The following TMEM150B variants were observed in gnomAD, a reference collection of about 807,000 sequenced individuals.
TMEM150B encodes the protein modulator of macroautophagy TMEM150B.
Under a neutral mutation model 25.2 loss-of-function variants are expected in TMEM150B, and 33 were observed. The ratio of observed to expected loss-of-function variants is 1.31; its 90% CI spans 0.99 to 1.75. TMEM150B has a LOEUF of 1.75. Among genes scored for constraint, TMEM150B ranks in the 40% most tolerant of loss-of-function variants. The pLI is 0.00. For synonymous variants in TMEM150B, 133 were observed against 134.8 expected (o/e 0.99, Z 0.09); for missense variants, 322 against 306.1 (o/e 1.05, Z -0.39).
chr19:55,310,191 C>G (rs2088752210), downstream of TMEM150B, among the ~76,000 whole-genome samples: 1 of 152,188 alleles, frequency 6.6e-6, no homozygotes. The surrounding 1 kb of genome is among the most constrained non-coding windows in gnomAD (Gnocchi z 5.0). Context: ...TCGTACAGTC[C>G]TGGAGGTCAG....
At chr19:55,317,767 G>A (rs1434383808) in intron 6 of TMEM150B, among the ~76,000 whole-genome samples, 1 of 147,644 alleles carries the variant, frequency 6.8e-6, no homozygotes, top group Non-Finnish European at 1.5e-5. Flanking sequence ...GGCAACAAGA[G>A]TGAGACTCCA....
chr19:55,311,787 AT>A, downstream of TMEM150B: 1 of 994,838 alleles, frequency 1.0e-6, no homozygotes, highest in African/African-American at 1.7e-5. Flanking sequence ...CTTATCAGGG[AT>A]TGGAGCTAGA....
chr19:55,310,235 GCCTGGAGGGCTGCA>G (rs1262594184), downstream of TMEM150B, among the ~76,000 whole-genome samples: 1 of 152,200 alleles, frequency 6.6e-6, no homozygotes, highest in Non-Finnish European at 1.5e-5. This position sits in a 1 kb window ranked among gnomAD's most constrained non-coding sequence, Gnocchi z 5.0. Context: ...CTAACAGGGT[GCCTGGAGGGCTGCA>G]CCTGGAGGCT....
intron 7 of TMEM150B, among the ~76,000 whole-genome samples, chr19:55,314,028 G>C (rs1359840430): frequency 6.6e-6 from 1 of 152,188 alleles, no homozygotes; most frequent in Admixed American, 6.5e-5. Flanking sequence ...AGCGAGACCT[G>C]GTCTTTTTTT....
At chr19:55,320,840 C>G in intron 3 of TMEM150B, 129 bp downstream of exon 3, 1 of 1,247,700 alleles carries the variant, frequency 8.0e-7, no homozygotes, top group Non-Finnish European at 1.1e-6. Context: ...GGAGTCCAGG[C>G]CTCCAGCTCC....
intron 1 of TMEM150B, among the ~76,000 whole-genome samples, chr19:55,324,525 G>C (rs1207789538): frequency 1.3e-5 from 2 of 152,130 alleles, no homozygotes; most frequent in African/African-American, 2.4e-5. Flanking sequence ...GCAGGCACCT[G>C]TAATCCCAGC....
intron 1 of TMEM150B, chr19:55,324,632 A>C: frequency 1.2e-6 from 1 of 822,000 alleles, no homozygotes; most frequent in Non-Finnish European, 1.5e-6. Flanking sequence ...TGGGCGACAG[A>C]GTGAGACTCC....
intron 1 of TMEM150B, among the ~76,000 whole-genome samples, chr19:55,323,750 G>A (rs1368460288): frequency 1.4e-5 from 2 of 147,446 alleles, no homozygotes; most frequent in Non-Finnish European, 3.0e-5. Flanking sequence ...TGATCCACCC[G>A]CCTCAGGCTC....
At chr19:55,321,880 G>T (rs2089216061) in intron 2 of TMEM150B, among the ~76,000 whole-genome samples, 1 of 152,120 alleles carries the variant, frequency 6.6e-6, no homozygotes, top group South Asian at 2.1e-4. Flanking sequence ...GAGATATGGA[G>T]CACTGACAAC....
downstream of TMEM150B, chr19:55,312,595 AGCTG>A (rs2088834397): frequency 2.8e-6 from 1 of 353,558 alleles, no homozygotes; most frequent in Non-Finnish European, 5.1e-6. Context: ...GATCAGGGAC[AGCTG>A]GCTGGCCTTG....
At chr19:55,320,523 G>C (rs748091227) in intron 4 of TMEM150B, 35 bp downstream of exon 4, 1 of 1,612,702 alleles carries the variant, frequency 6.2e-7, no homozygotes, top group African/African-American at 1.3e-5. Context: ...CTGCAGCGGC[G>C]ATCCCCCCAA....
downstream of TMEM150B, chr19:55,312,438 C>T (rs540475404): frequency 1.6e-4 from 30 of 184,172 alleles, no homozygotes; most frequent in Non-Finnish European, 2.7e-4. Context: ...TCCCCTGGTC[C>T]TCCCCCCACG....
chr19:55,323,491 C>A (rs1468761294), intron 1 of TMEM150B, among the ~76,000 whole-genome samples: 1 of 151,660 alleles, frequency 6.6e-6, no homozygotes, highest in Non-Finnish European at 1.5e-5. Flanking sequence ...CAATGTTATG[C>A]AACCATCGCC....
At chr19:55,322,391 T>G (rs1316869770) in intron 2 of TMEM150B, among the ~76,000 whole-genome samples, 1 of 152,094 alleles carries the variant, frequency 6.6e-6, no homozygotes, top group Non-Finnish European at 1.5e-5. Context: ...CCTTCACACC[T>G]GAAGAACCAG....
At position 55,324,187 on chromosome 19, in the gene TMEM150B, A is replaced by AT. The variant is rs549275453; in HGVS notation, c.-154+1084dup. On this transcript the variant is annotated intron_variant, in intron 1 of 7. Coordinates refer to ENST00000326652, the MANE Select transcript of TMEM150B (RefSeq NM_001282011.2). ...GCATGTATTAGTGTTTCATTCCTTTATTTTTTATTTTTATTTTTTAAACAG... is the reference window on the plus strand; with the variant it reads ...GCATGTATTAGTGTTTCATTCCTTTATTTTTTTATTTTTATTTTTTAAACAG... 1.8e-3 allele frequency among the ~76,000 whole-genome samples: 278 copies of AT among 151,756 alleles called. 2 individuals are homozygous for AT. Among genetic ancestry groups the AT allele is most frequent in the African/African-American group, 6.6e-3 (272 of 41,360 alleles).
At position 55,312,920 on chromosome 19, in the gene TMEM150B, T is replaced by C. The variant is rs1262868326; in HGVS notation, c.641A>G (p.Gln214Arg). The C allele has an allele frequency of 6.2e-7, 1 of 1,610,300 alleles. No individual in the cohort carries two copies. The highest frequency in any genetic ancestry group is 1.3e-5 in the African/African-American group (1 of 74,948). Residue 214 changes from glutamine to arginine, a missense_variant, in exon 8 of 8, where the codon CAG (glutamine) becomes CGG (arginine). Physicochemically the swap from Gln to Arg is conservative, Grantham distance 43. Coordinates refer to ENST00000326652, the MANE Select transcript of TMEM150B (RefSeq NM_001282011.2). Reference protein sequence around the residue: ...SALESCTLCVQPWPSLSPPPA... With the variant: ...SALESCTLCVRPWPSLSPPPA... ...CGGGGGGCTGAGGCTGGGCCACGGC[T>C]GAACACACAGGGTGCAGCTCTCCAG...
intron 7 of TMEM150B, 32 bp downstream of exon 7, chr19:55,316,754 T>C (rs963406740): frequency 1.2e-5 from 18 of 1,453,690 alleles, no homozygotes; most frequent in Non-Finnish European, 1.5e-5. Context: ...AAGAGCCACC[T>C]CCAAGCCCTA....
At chr19:55,318,786 G>A (rs1455304002) in intron 6 of TMEM150B, among the ~76,000 whole-genome samples, 5 of 152,140 alleles carry the variant, frequency 3.3e-5, no homozygotes, top group Admixed American at 6.6e-5. Flanking sequence ...TGCCTAACAT[G>A]AAGAATGAGT....
At chr19:55,325,161 C>A (rs957376745) in intron 1 of TMEM150B, 111 bp downstream of exon 1, 59 of 530,474 alleles carry the variant, frequency 1.1e-4, no homozygotes, top group Non-Finnish European at 1.4e-4. Flanking sequence ...GTTTGGCTCA[C>A]TGGTGTCCCC....
Sources: gnomAD v4.1 joint callset for allele counts (sites outside exome capture counted in the v4.1 genomes callset) on GRCh38, gnomAD v4.1.1 for gene constraint, Gnocchi (gnomAD v3.1) non-coding constraint, MANE v1.5 for transcripts, NCBI Gene and HGNC (gene_info 2026-07-23, HGNC 2026-07-21) for gene names.